Variants in DMD observed in about 807,000 individuals in gnomAD.
DMD encodes dystrophin.
A neutral mutation model predicts 330.1 loss-of-function variants in DMD; 63 were observed. The ratio of observed to expected loss-of-function variants is 0.19; its 90% confidence interval spans 0.16 to 0.24. DMD has a LOEUF of 0.24. Ranked by LOEUF, DMD falls within the 10% of genes least tolerant of loss-of-function variation. The pLI is 1.00. For missense variants in DMD, 3,344 were observed against 2,684.1 expected, an observed-to-expected ratio of 1.25 and a Z score of -5.43; for synonymous variants, 1,223 against 959.8, an observed-to-expected ratio of 1.27 and a Z score of -5.07.
At chrX:32,408,297 G>T (rs2098127330) in intron 30 of DMD, among the ~76,000 whole-genome samples, 1 of 111,381 alleles carries the variant, frequency 9.0e-6, no homozygotes, top group African/African-American at 3.3e-5. Context: ...ATCCAATTCA[G>T]AATCTGAGGG....
chrX:32,818,597 A>C (rs1484775069), intron 5 of DMD, among the ~76,000 whole-genome samples: 1 of 111,823 alleles, frequency 8.9e-6, no homozygotes, highest in Admixed American at 9.5e-5. Context: ...TTTAAAAGGA[A>C]AAAAGTTGAA....
rs750696037 is a variant in DMD, at chrX:32,529,331, C to T, written c.2169-11200G>A. ...CCTTGGGCACATGTCGTCAGGACTT[C>T]CTGAGGCTGTGTCACAGGCGCGCGA... On this transcript the variant is annotated intron_variant, in intron 17 of 78. Transcript: ENST00000357033. Among the ~76,000 whole-genome samples, 9 of 104,887 alleles carry T rather than the reference C, an allele frequency of 8.6e-5. 1 individual carries two copies. The East Asian group carries it at 2.7e-3, about 31-fold the overall frequency. 91.1% of individuals were successfully genotyped at this position (104,887 alleles called of 115,157 possible). A position where few individuals can be genotyped will look rare whatever the true frequency, so the allele number is the denominator to read the frequency against.
chrX:31,232,670 A>T (rs972046907), intron 63 of DMD, among the ~76,000 whole-genome samples: 9 of 111,420 alleles, frequency 8.1e-5, no homozygotes, highest in African/African-American at 2.6e-4. Context: ...AGAGCCCTAA[A>T]CACCTCCCCC....
chrX:32,724,838 G>C (rs1223426246), intron 7 of DMD, among the ~76,000 whole-genome samples: 1 of 111,621 alleles, frequency 9.0e-6, no homozygotes, highest in East Asian at 2.8e-4. Flanking sequence ...ATGTTACTGA[G>C]ATTAAAAAAT....
intron 50 of DMD, among the ~76,000 whole-genome samples, chrX:31,775,059 G>A (rs767915790): frequency 9.0e-5 from 10 of 111,230 alleles, no homozygotes; most frequent in African/African-American, 2.9e-4. Context: ...TCTAACATTT[G>A]TTCAGTACTA....
At chrX:33,307,840 G>A (rs1276720213) in intron 1 of DMD, among the ~76,000 whole-genome samples, 1 of 111,179 alleles carries the variant, frequency 9.0e-6, no homozygotes, top group African/African-American at 3.3e-5. Flanking sequence ...AAAATAAGAA[G>A]AAAAATATTT....
At chrX:33,162,278 C>A (rs528509337) in intron 1 of DMD, among the ~76,000 whole-genome samples, 2 of 111,628 alleles carry the variant, frequency 1.8e-5, no homozygotes, top group South Asian at 7.4e-4. Context: ...TATCAAATAC[C>A]AATTTAATAA....
intron 44 of DMD, among the ~76,000 whole-genome samples, chrX:32,058,621 G>A (rs754968796): frequency 1.2e-4 from 13 of 106,624 alleles, no homozygotes; most frequent in African/African-American, 4.4e-4. Context: ...GAAGGTGTAG[G>A]AAAATTGGAG....
At chrX:32,367,528 C>G (rs2097858663) in intron 34 of DMD, among the ~76,000 whole-genome samples, 1 of 112,068 alleles carries the variant, frequency 8.9e-6, no homozygotes, top group Admixed American at 9.5e-5. Flanking sequence ...TTATTGTGTA[C>G]ATAGATTTTG....
At chrX:33,166,246 G>T (rs900347143) in intron 1 of DMD, among the ~76,000 whole-genome samples, 1 of 110,974 alleles carries the variant, frequency 9.0e-6, no homozygotes, top group African/African-American at 3.3e-5. Flanking sequence ...ATCAATCATC[G>T]CTGAGAAAAG....
At chrX:31,138,089 C>A (rs904034264) in intron 76 of DMD, among the ~76,000 whole-genome samples, 2 of 111,638 alleles carry the variant, frequency 1.8e-5, no homozygotes, top group African/African-American at 6.5e-5. Context: ...GGAATGTAAG[C>A]GGGCATGACA....
intron 48 of DMD, among the ~76,000 whole-genome samples, chrX:31,847,067 C>G (rs1019005390): frequency 3.6e-5 from 4 of 111,310 alleles, no homozygotes; most frequent in African/African-American, 1.3e-4. Flanking sequence ...GTAGAATATT[C>G]CCTGTTCAAG....
chrX:32,333,208 T>G (rs187711115), intron 41 of DMD, among the ~76,000 whole-genome samples: 5 of 112,155 alleles, frequency 4.5e-5, no homozygotes, highest in African/African-American at 1.6e-4. Context: ...CACATCATTT[T>G]CTTTTGCAGC....
intron 1 of DMD, among the ~76,000 whole-genome samples, chrX:33,169,125 G>GA (rs1189390146): frequency 3.9e-4 from 42 of 108,192 alleles, no homozygotes; most frequent in African/African-American, 1.3e-3. Context: ...CCAATGAACA[G>GA]AAAAAAAACA....
At chrX:31,218,425 G>T (rs2045634785) in intron 64 of DMD, among the ~76,000 whole-genome samples, 1 of 110,654 alleles carries the variant, frequency 9.0e-6, no homozygotes, top group Non-Finnish European at 1.9e-5. Context: ...TCTCTATTCA[G>T]CCCCCTGACT....
intron 44 of DMD, among the ~76,000 whole-genome samples, chrX:32,057,458 G>A (rs1252117266): frequency 2.7e-5 from 3 of 110,598 alleles, no homozygotes; most frequent in Admixed American, 9.7e-5. Flanking sequence ...CAACAGTTGC[G>A]TTTCTATACG....
At chrX:33,333,592 A>G (rs1353797754) in intron 1 of DMD, among the ~76,000 whole-genome samples, 1 of 110,852 alleles carries the variant, frequency 9.0e-6, no homozygotes, top group African/African-American at 3.3e-5. Context: ...CTTTCCCTAG[A>G]AAAAAAATGT....
chrX:31,770,303 G>A (rs1026402140), intron 51 of DMD, among the ~76,000 whole-genome samples: 28 of 111,959 alleles, frequency 2.5e-4, no homozygotes, highest in African/African-American at 9.1e-4. Flanking sequence ...ACTGCCTGTA[G>A]GCCATCATCA....
At chrX:31,896,755 G>A (rs1037418479) in intron 47 of DMD, among the ~76,000 whole-genome samples, 2 of 110,626 alleles carry the variant, frequency 1.8e-5, no homozygotes, top group East Asian at 2.8e-4. Flanking sequence ...AGACCCCATC[G>A]TTTCTAACAG....
Sources: allele counts gnomAD v4.1 joint callset (sites outside exome capture counted in the v4.1 genomes callset), GRCh38; gene constraint gnomAD v4.1.1; transcripts MANE v1.5; gene names NCBI Gene and HGNC (gene_info 2026-07-23, HGNC 2026-07-21).